Variants in PHACTR2 observed in about 807,000 individuals in gnomAD.
PHACTR2 encodes the protein chromosome 6 open reading frame 56.
PHACTR2 carries 30 observed loss-of-function variants against 76.0 expected under a neutral mutation model. That is an observed-to-expected ratio of 0.39 (90% CI 0.30 to 0.54). The LOEUF is 0.54. Among genes scored for constraint, PHACTR2 ranks in the 20% least tolerant of loss-of-function variants. The pLI, the probability that PHACTR2 is intolerant of heterozygous loss-of-function variation, is 0.61. For synonymous variants in PHACTR2, 292 were observed against 292.5 expected, an observed-to-expected ratio of 1.00 and a Z score of 0.02; for missense variants, 696 against 781.1, an observed-to-expected ratio of 0.89 and a Z score of 1.30.
In PHACTR2 at chr6:143,771,192, GTGTATATATATATATATATATA is replaced by G. The variant is rs1562300833; in HGVS notation, c.1233-1064_1233-1043del. 1.2e-3 allele frequency among the ~76,000 whole-genome samples: 20 copies of G among 16,630 alleles called. 2 individuals are homozygous for G. The highest frequency in any genetic ancestry group is 6.8e-3 in the African/African-American group (20 of 2,962). 10.9% of individuals were successfully genotyped at this position (16,630 alleles called of 152,430 possible). A position where few individuals can be genotyped will look rare whatever the true frequency, so the allele number is the denominator to read the frequency against. ...TATATATGTATATATATATATATGT[GTGTATATATATATATATATATA>G]TATATATATATATATATATATGCTT... is the stretch of plus-strand genomic sequence containing the variant. On this transcript the variant is annotated intron_variant, in intron 6 of 12. Coordinates refer to ENST00000440869, the MANE Select transcript of PHACTR2 (RefSeq NM_001100164.2).
chr6:143,813,371 G>A (rs1331742772), intron 12 of PHACTR2, among the ~76,000 whole-genome samples: 2 of 152,132 alleles, frequency 1.3e-5, no homozygotes, highest in Non-Finnish European at 2.9e-5. Flanking sequence ...TGTAATCCCA[G>A]CACTTTGGGA....
chr6:143,738,351 A>G lies in PHACTR2; in HGVS notation c.215-10634A>G, dbSNP rs935868143. Among the ~76,000 whole-genome samples the G allele has an allele frequency of 6.6e-6, 1 of 151,876 alleles. No individual in the cohort carries two copies. Among genetic ancestry groups the G allele is most frequent in the Non-Finnish European group, 1.5e-5 (1 of 67,976 alleles). On this transcript the variant is annotated intron_variant, in intron 2 of 12. Coordinates refer to ENST00000440869, the MANE Select transcript of PHACTR2 (RefSeq NM_001100164.2). This position sits in a 1 kb window ranked among gnomAD's most constrained non-coding sequence, Gnocchi z 4.0. ...GGCGACAGAGGGAGACTCCATCTCAAAACAAAACAAAACAAAAGATTATAC... is the reference window on the plus strand; with the variant it reads ...GGCGACAGAGGGAGACTCCATCTCAGAACAAAACAAAACAAAAGATTATAC...
At chr6:143,690,500 T>C (rs1310217200) in intron 1 of PHACTR2, among the ~76,000 whole-genome samples, 1 of 152,194 alleles carries the variant, frequency 6.6e-6, no homozygotes, top group Non-Finnish European at 1.5e-5. Flanking sequence ...TTTGAGTCTT[T>C]GTATTAGAAC....
At chr6:143,626,552 T>A (rs1033065335) in intron 1 of PHACTR2, among the ~76,000 whole-genome samples, 51 of 100,568 alleles carry the variant, frequency 5.1e-4, no homozygotes, top group African/African-American at 1.6e-3. Flanking sequence ...AAAAAAAAAA[T>A]TAGCACAAAA....
chr6:143,637,138 G>A (rs1776469504), intron 1 of PHACTR2, among the ~76,000 whole-genome samples: 1 of 152,128 alleles, frequency 6.6e-6, no homozygotes. Context: ...ACTAACCGGG[G>A]GTGGTGCAAA....
At chr6:143,566,641 T>C (rs566515969) in intron 1 of PHACTR2, among the ~76,000 whole-genome samples, 2 of 152,168 alleles carry the variant, frequency 1.3e-5, no homozygotes, top group African/African-American at 4.8e-5. Flanking sequence ...CAAAAGTAGG[T>C]AGAATAGTCT....
chr6:143,594,755 C>T (rs886908034), intron 1 of PHACTR2, among the ~76,000 whole-genome samples: 7 of 152,252 alleles, frequency 4.6e-5, no homozygotes, highest in Non-Finnish European at 5.9e-5. Flanking sequence ...CTAGAGTTTG[C>T]CGTCCATGGA....
upstream of PHACTR2, among the ~76,000 whole-genome samples, chr6:143,607,475 A>G (rs1775894909): frequency 6.6e-6 from 1 of 152,204 alleles, no homozygotes; most frequent in African/African-American, 2.4e-5. Flanking sequence ...GTCTTTCCTG[A>G]TCTTCACATT....
chr6:143,796,823 G>A (rs991084786), intron 11 of PHACTR2, among the ~76,000 whole-genome samples: 5 of 152,150 alleles, frequency 3.3e-5, no homozygotes, highest in Non-Finnish European at 7.3e-5. Flanking sequence ...ATGGACATAT[G>A]GGTTGGTTCC....
chr6:143,783,196 G>A lies in PHACTR2; in HGVS notation c.1646-23G>A, dbSNP rs141257014. The A allele has an allele frequency of 1.2e-3, 1,889 of 1,533,268 alleles. 15 individuals carry two copies. The African/African-American group carries it at 0.017, about 14-fold the overall frequency. 95.0% of individuals were successfully genotyped at this position (1,533,268 alleles called of 1,614,324 possible). On this transcript the variant is annotated intron_variant, in intron 9 of 12. Coordinates refer to ENST00000440869, the MANE Select transcript of PHACTR2 (RefSeq NM_001100164.2). The surrounding 1 kb of genome is among the most constrained non-coding windows in gnomAD (Gnocchi z 5.2). ...AATCATCTATAGTAACTGTCATCACGACTTTCCTCCTTTAATAAACAGAAA... is the reference window on the plus strand; with the variant it reads ...AATCATCTATAGTAACTGTCATCACAACTTTCCTCCTTTAATAAACAGAAA...
chr6:143,608,946 A>T lies in PHACTR2; in HGVS notation c.13+624A>T, dbSNP rs1775933528. On this transcript the variant is annotated intron_variant, in intron 1 of 11. Coordinates refer to the PHACTR2 transcript ENST00000305766. This position sits in a 1 kb window ranked among gnomAD's most constrained non-coding sequence, Gnocchi z 4.6. ...TAATGTCAATTAAATAATTAGCATA[A>T]AATTATCAGGTGGAACTTTTTTCTT... is the stretch of plus-strand genomic sequence containing the variant. Among the ~76,000 whole-genome samples the T allele has an allele frequency of 6.6e-6, 1 of 152,208 alleles. No homozygotes were observed. Among genetic ancestry groups the T allele is most frequent in the African/African-American group, 2.4e-5 (1 of 41,450 alleles).
rs115789453 is a variant in PHACTR2, at chr6:143,552,479, G to C, written c.217+15272G>C. On this transcript the variant is annotated intron_variant, in intron 1 of 11. Coordinates refer to the PHACTR2 transcript ENST00000367584. ...GAAATAACAACAACCAACAAGAAAA[G>C]TTCCTGTGAAGCAAGTACTCTTCAC... is the stretch of plus-strand genomic sequence containing the variant. Among the ~76,000 whole-genome samples, 1,463 of 152,262 alleles carry C rather than the reference G, an allele frequency of 9.6e-3. 32 individuals are homozygous for C. Among genetic ancestry groups the C allele is most frequent in the African/African-American group, 0.031 (1,288 of 41,548 alleles).
Position 143,820,052 on chromosome 6 carries a change from C to T in PHACTR2, c.1923-3622C>T, listed in dbSNP as rs1036962702. On this transcript the variant is annotated intron_variant, in intron 12 of 12. Transcript: ENST00000440869. The surrounding 1 kb of genome is among the most constrained non-coding windows in gnomAD (Gnocchi z 4.2). ...GAAAGAGTGGAGGAGAAGTGCCCCACACTTTTAAACCAGACCTCGTGAGAA... is the reference window on the plus strand; with the variant it reads ...GAAAGAGTGGAGGAGAAGTGCCCCATACTTTTAAACCAGACCTCGTGAGAA... 6.6e-6 allele frequency among the ~76,000 whole-genome samples: 1 copy of T among 152,024 alleles called. No individual in the cohort carries two copies. Among genetic ancestry groups the T allele is most frequent in the African/African-American group, 2.4e-5 (1 of 41,384 alleles).
chr6:143,751,572 T>G lies in PHACTR2; in HGVS notation c.296-2182T>G, dbSNP rs1779181588. ...TATGATATATCCCCAATACACCTGT[T>G]TACTAGAAGGAGGTGACCCCCTTCA... On this transcript the variant is annotated intron_variant, in intron 3 of 12. Coordinates refer to ENST00000440869, the MANE Select transcript of PHACTR2 (RefSeq NM_001100164.2). The surrounding 1 kb of genome is among the most constrained non-coding windows in gnomAD (Gnocchi z 5.7). Among the ~76,000 whole-genome samples the G allele has an allele frequency of 6.6e-6, 1 of 152,154 alleles. No individual in the cohort carries two copies. The highest frequency in any genetic ancestry group is 2.1e-4 in the South Asian group (1 of 4,828).
At chr6:143,631,693 T>A (rs1336471820) in intron 1 of PHACTR2, among the ~76,000 whole-genome samples, 1 of 152,202 alleles carries the variant, frequency 6.6e-6, no homozygotes, top group Non-Finnish European at 1.5e-5. Context: ...AAACGAGGTC[T>A]CATTGACAAA....
In PHACTR2 at chr6:143,688,486, G is replaced by A. The variant is rs1410786677; in HGVS notation, c.46+10277G>A. On this transcript the variant is annotated intron_variant, in intron 1 of 12. Coordinates refer to ENST00000440869, the MANE Select transcript of PHACTR2 (RefSeq NM_001100164.2). This position sits in a 1 kb window ranked among gnomAD's most constrained non-coding sequence, Gnocchi z 5.2. ...ATTTGACAGGTCTGCTTGAAAACTTGTGGGCATCCCAGAGGTAACATAAGT... is the reference window on the plus strand; with the variant it reads ...ATTTGACAGGTCTGCTTGAAAACTTATGGGCATCCCAGAGGTAACATAAGT... Among the ~76,000 whole-genome samples, 1 of 152,148 alleles carries A rather than the reference G, an allele frequency of 6.6e-6. No individual in the cohort carries two copies. Among genetic ancestry groups the A allele is most frequent in the East Asian group, 1.9e-4 (1 of 5,180 alleles).
rs570201428 is a variant in PHACTR2 at position 143,623,113 on chromosome 6, G to A, written c.13+14791G>A. Among the ~76,000 whole-genome samples, 175 of 151,562 alleles carry A rather than the reference G, an allele frequency of 1.2e-3. No individual in the cohort carries two copies. Among genetic ancestry groups the A allele is most frequent in the African/African-American group, 4.0e-3 (167 of 41,266 alleles). On this transcript the variant is annotated intron_variant, in intron 1 of 11. Transcript: ENST00000305766. This position sits in a 1 kb window ranked among gnomAD's most constrained non-coding sequence, Gnocchi z 5.9. ...AAATGTTTTCAGGAAATGTGAGAGTGGAAAAAAGCAATTTTTAAAAATAGC... is the reference window on the plus strand; with the variant it reads ...AAATGTTTTCAGGAAATGTGAGAGTAGAAAAAAGCAATTTTTAAAAATAGC...
In PHACTR2 at chr6:143,731,487, A is replaced by G. The variant is rs1360420077; in HGVS notation, c.215-17498A>G. ...TTTTTAGTAGAGATTGGGTTTCTCC[A>G]TGTTGGTCAGGCTGGTCTCGAACTC... On this transcript the variant is annotated intron_variant, in intron 2 of 12. Transcript: ENST00000440869. This position sits in a 1 kb window ranked among gnomAD's most constrained non-coding sequence, Gnocchi z 4.9. Among the ~76,000 whole-genome samples, 1 of 152,110 alleles carries G rather than the reference A, an allele frequency of 6.6e-6. No homozygotes were observed. Among genetic ancestry groups the G allele is most frequent in the African/African-American group, 2.4e-5 (1 of 41,420 alleles).
At chr6:143,720,330 A>T (rs149514655) in intron 2 of PHACTR2, among the ~76,000 whole-genome samples, 7 of 152,320 alleles carry the variant, frequency 4.6e-5, no homozygotes, top group African/African-American at 1.2e-4. Flanking sequence ...ACTGTACTAG[A>T]AAGTGAGAAG....
Sources: allele counts gnomAD v4.1 joint callset (sites outside exome capture counted in the v4.1 genomes callset), GRCh38; gene constraint gnomAD v4.1.1; non-coding constraint Gnocchi (gnomAD v3.1); transcripts MANE v1.5; gene names NCBI Gene and HGNC (gene_info 2026-07-23, HGNC 2026-07-21).